GUCY1A2: variants seen among roughly 807,000 people sequenced by gnomAD.
The protein encoded by GUCY1A2 is guanylate cyclase 1 soluble subunit alpha 2, also known as guanylate cyclase soluble subunit alpha-2.
GUCY1A2 carries 27 observed loss-of-function variants against 63.5 expected under a neutral mutation model. The observed-to-expected ratio is 0.43, with a 90% CI of 0.31 to 0.59. The LOEUF is 0.59. Ranked by LOEUF, GUCY1A2 falls within the 20% of genes least tolerant of loss-of-function variation. The probability of loss-of-function intolerance (pLI) is 0.11; values close to 1 mark genes in which losing one functional copy is unlikely to be tolerated. For missense variants in GUCY1A2, 768 were observed against 913.3 expected, an observed-to-expected ratio of 0.84 and a Z score of 2.05; for synonymous variants, 364 against 343.5, an observed-to-expected ratio of 1.06 and a Z score of -0.66.
chr11:106,828,186 G>T (rs1859000438), intron 4 of GUCY1A2, among the ~76,000 whole-genome samples: 2 of 151,972 alleles, frequency 1.3e-5, no homozygotes, highest in Non-Finnish European at 1.5e-5. Context: ...CTGTGCAGAA[G>T]CTTTTTAGTT....
intron 6 of GUCY1A2, among the ~76,000 whole-genome samples, chr11:106,723,953 G>C (rs1863361028): frequency 6.6e-6 from 1 of 152,212 alleles, no homozygotes; most frequent in East Asian, 1.9e-4. Flanking sequence ...CGTAAAGGGA[G>C]TTTCTTAAAA....
At chr11:106,886,703 C>G (rs1333385080) in intron 4 of GUCY1A2, among the ~76,000 whole-genome samples, 1 of 152,098 alleles carries the variant, frequency 6.6e-6, no homozygotes, top group African/African-American at 2.4e-5. Flanking sequence ...ATTCAACTGT[C>G]TAGTAGGACA....
chr11:106,711,033 A>T (rs1017162347), intron 6 of GUCY1A2, among the ~76,000 whole-genome samples: 5 of 152,194 alleles, frequency 3.3e-5, no homozygotes, highest in Admixed American at 2.6e-4. Context: ...ACCTACTTTT[A>T]AAAAATTGAC....
chr11:106,950,214 C>T (rs1023626528), intron 3 of GUCY1A2, among the ~76,000 whole-genome samples: 3 of 152,202 alleles, frequency 2.0e-5, no homozygotes, highest in Non-Finnish European at 4.4e-5. Flanking sequence ...CCTTCTCAGG[C>T]CACTGTGCTA....
chr11:106,863,137 A>G (rs987123767), intron 4 of GUCY1A2, among the ~76,000 whole-genome samples: 1 of 152,156 alleles, frequency 6.6e-6, no homozygotes, highest in Non-Finnish European at 1.5e-5. Context: ...GAAGCTCTTT[A>G]GTTTAATTAG....
At chr11:106,765,712 T>C (rs1864150844) in intron 6 of GUCY1A2, among the ~76,000 whole-genome samples, 1 of 152,108 alleles carries the variant, frequency 6.6e-6, no homozygotes, top group Non-Finnish European at 1.5e-5. Flanking sequence ...TACATGGTCA[T>C]TTGACCATCA....
chr11:106,787,845 T>C (rs1026769469), intron 5 of GUCY1A2, among the ~76,000 whole-genome samples: 1 of 152,164 alleles, frequency 6.6e-6, no homozygotes, highest in African/African-American at 2.4e-5. Flanking sequence ...ACAATAAACA[T>C]GGGAGTGCAG....
intron 3 of GUCY1A2, among the ~76,000 whole-genome samples, chr11:106,951,740 A>G (rs1860912103): frequency 6.6e-6 from 1 of 152,158 alleles, no homozygotes; most frequent in Admixed American, 6.5e-5. Flanking sequence ...CTTTAGTTTA[A>G]TTAGACCCCA....
At chr11:106,965,632 G>T (rs1241713345) in intron 3 of GUCY1A2, among the ~76,000 whole-genome samples, 1 of 152,128 alleles carries the variant, frequency 6.6e-6, no homozygotes, top group African/African-American at 2.4e-5. Flanking sequence ...CTGCCATGTG[G>T]CCTTCCCATT....
intron 4 of GUCY1A2, among the ~76,000 whole-genome samples, chr11:106,835,647 T>C (rs1453962342): frequency 4.0e-5 from 6 of 150,948 alleles, no homozygotes; most frequent in Admixed American, 6.6e-5. Flanking sequence ...AATCCACAGA[T>C]AGCACAGAGA....
Position 106,698,138 on chromosome 11 carries a change from T to TTTTTTTTTTTTTTTTTTTTTTTTTTTTA in GUCY1A2, c.1991+10373_1991+10374insTAAAAAAAAAAAAAAAAAAAAAAAAAAA, listed in dbSNP as rs1555020237. Among the ~76,000 whole-genome samples, 53 of 145,824 alleles carry TTTTTTTTTTTTTTTTTTTTTTTTTTTTA rather than the reference T, an allele frequency of 3.6e-4. 3 individuals are homozygous for TTTTTTTTTTTTTTTTTTTTTTTTTTTTA. Among genetic ancestry groups the TTTTTTTTTTTTTTTTTTTTTTTTTTTTA allele is most frequent in the Non-Finnish European group, 6.0e-4 (40 of 66,230 alleles). On this transcript the variant is annotated intron_variant, in intron 7 of 7. Transcript: ENST00000526355. ...GTTAGAATTTTTTTTTTTTTTTTTT[T>TTTTTTTTTTTTTTTTTTTTTTTTTTTTA]AGACAGGGTCTCACTCTGTTGCTGA... is the stretch of plus-strand genomic sequence containing the variant.
chr11:106,989,234 A>G (rs530377967), intron 1 of GUCY1A2, among the ~76,000 whole-genome samples: 38 of 152,256 alleles, frequency 2.5e-4, no homozygotes, highest in Non-Finnish European at 5.3e-4. Context: ...AAGATGATTT[A>G]GAAAAGAGGT....
chr11:106,893,970 G>A (rs938989098), intron 4 of GUCY1A2, among the ~76,000 whole-genome samples: 2 of 152,140 alleles, frequency 1.3e-5, no homozygotes, highest in Non-Finnish European at 2.9e-5. Context: ...ATTCCCACAA[G>A]GGAAGGGGGA....
At chr11:106,893,762 G>A (rs186918474) in intron 4 of GUCY1A2, among the ~76,000 whole-genome samples, 6 of 152,184 alleles carry the variant, frequency 3.9e-5, no homozygotes, top group African/African-American at 7.2e-5. Context: ...AAGCAAAAAC[G>A]TCCTTGGGAA....
chr11:106,991,807 C>T (rs1000439600), intron 1 of GUCY1A2, among the ~76,000 whole-genome samples: 1 of 152,212 alleles, frequency 6.6e-6, no homozygotes, highest in Non-Finnish European at 1.5e-5. Flanking sequence ...CAGTAACCCA[C>T]TCCCATGCAA....
intron 4 of GUCY1A2, among the ~76,000 whole-genome samples, chr11:106,830,250 G>A (rs1287433298): frequency 1.3e-5 from 2 of 152,150 alleles, no homozygotes; most frequent in Non-Finnish European, 2.9e-5. Flanking sequence ...TTGTACAAAG[G>A]ATAGTTGTAT....
At chr11:106,985,971 G>A (rs926740887) in intron 2 of GUCY1A2, 99 bp downstream of exon 2, 4 of 740,032 alleles carry the variant, frequency 5.4e-6, no homozygotes, top group Middle Eastern at 3.3e-4. Flanking sequence ...TATAAAATCA[G>A]GTTGACCTGG....
chr11:106,931,495 A>G (rs936708366), intron 4 of GUCY1A2, among the ~76,000 whole-genome samples: 5 of 152,218 alleles, frequency 3.3e-5, no homozygotes. Context: ...ACTGCAAATC[A>G]GTTCAAGAGA....
intron 1 of GUCY1A2, among the ~76,000 whole-genome samples, chr11:107,008,030 C>A (rs1256325819): frequency 1.3e-5 from 2 of 149,686 alleles, no homozygotes; most frequent in African/African-American, 2.4e-5. Context: ...CGCCTGTAAT[C>A]CCAGTACTTT....
Sources: allele counts gnomAD v4.1 joint callset (sites outside exome capture counted in the v4.1 genomes callset), GRCh38; gene constraint gnomAD v4.1.1; transcripts MANE v1.5; gene names NCBI Gene and HGNC (gene_info 2026-07-23, HGNC 2026-07-21).